The following PELI1 variants were observed in gnomAD, a reference collection of about 807,000 sequenced individuals.
PELI1 encodes E3 ubiquitin-protein ligase pellino homolog 1.
PELI1 carries 15 observed loss-of-function variants against 41.3 expected under a neutral mutation model. The observed-to-expected ratio is 0.36, with a 90% CI of 0.24 to 0.56. PELI1 has a LOEUF of 0.56. PELI1 is among the 20% of genes least tolerant of loss of function. The probability of loss-of-function intolerance (pLI) is 0.82; values close to 1 mark genes in which losing one functional copy is unlikely to be tolerated. For synonymous variants in PELI1, 178 were observed against 180.1 expected (o/e 0.99, Z 0.09); for missense variants, 403 against 525.5 (o/e 0.77, Z 2.28).
intron 1 of PELI1, among the ~76,000 whole-genome samples, chr2:64,110,176 CAG>C (rs1406958606): frequency 7.0e-6 from 1 of 143,642 alleles, no homozygotes; most frequent in Non-Finnish European, 1.5e-5. Flanking sequence ...ACCCGGGAGG[CAG>C]AGCTTGCAGT....
chr2:64,097,297 C>G (rs898385507), intron 4 of PELI1, among the ~76,000 whole-genome samples: 6 of 152,204 alleles, frequency 3.9e-5, no homozygotes, highest in Non-Finnish European at 8.8e-5. Flanking sequence ...GTTGAGAAAT[C>G]AAATAACCTA....
chr2:64,126,881 G>A lies in PELI1; in HGVS notation c.-70+17200C>T, dbSNP rs552749102. On this transcript the variant is annotated intron_variant, in intron 1 of 6. Transcript: ENST00000358912. ...AGACAAGGGGTAAAAAGTATATTGT[G>A]TTCTCAGGAAAGGGTAAGTCAGTAG... 9.2e-5 allele frequency among the ~76,000 whole-genome samples: 14 copies of A among 152,230 alleles called. 2 individuals carry two copies. In the South Asian group the frequency reaches 2.9e-3, roughly 32 times the overall value.
intron 1 of PELI1, among the ~76,000 whole-genome samples, chr2:64,137,641 A>G (rs1373815793): frequency 6.6e-6 from 1 of 152,114 alleles, no homozygotes; most frequent in African/African-American, 2.4e-5. Context: ...CTATGGGTGG[A>G]TCTGACTTTT....
intron 1 of PELI1, among the ~76,000 whole-genome samples, chr2:64,125,664 T>C (rs766207153): frequency 1.3e-5 from 2 of 152,192 alleles, no homozygotes; most frequent in African/African-American, 2.4e-5. Flanking sequence ...TTCTATTTGG[T>C]TAAATAGCTA....
intron 1 of PELI1, among the ~76,000 whole-genome samples, chr2:64,141,299 T>TCCCCCCCCCCCCCCCCCCCCCC (rs1681905011): frequency 7.2e-6 from 1 of 139,440 alleles, no homozygotes; most frequent in African/African-American, 2.7e-5. Flanking sequence ...AATAACATGT[T>TCCCCCCCCCCCCCCCCCCCCCC]TCCCGCCCCC....
At chr2:64,128,132 G>A (rs1681448722) in intron 1 of PELI1, among the ~76,000 whole-genome samples, 2 of 152,074 alleles carry the variant, frequency 1.3e-5, no homozygotes, top group Admixed American at 1.3e-4. Context: ...GTGTGTACAG[G>A]GGTAAGGAGC....
At chr2:64,104,368 G>A (rs1680547300) in intron 3 of PELI1, among the ~76,000 whole-genome samples, 3 of 152,092 alleles carry the variant, frequency 2.0e-5, no homozygotes, top group Non-Finnish European at 4.4e-5. Context: ...TAACAGAGTG[G>A]GAACTTCCCA....
intron 1 of PELI1, among the ~76,000 whole-genome samples, chr2:64,137,498 T>TGC (rs1028861783): frequency 1.1e-4 from 16 of 152,032 alleles, no homozygotes; most frequent in African/African-American, 3.6e-4. Flanking sequence ...TGTGTGTGTG[T>TGC]GCGCATTTTG....
intron 1 of PELI1, among the ~76,000 whole-genome samples, chr2:64,141,971 C>T (rs1042012707): frequency 6.6e-6 from 1 of 152,174 alleles, no homozygotes; most frequent in Non-Finnish European, 1.5e-5. Context: ...TCAACATAAC[C>T]AACTGTAAGA....
rs1360437953 is a variant in PELI1 at position 64,100,670 on chromosome 2, C to A, written c.202-171G>T. ...CCTGTCAGCTGTGACAGTAGTTTCTCGGGTTGAATGGGGTACTGAAGAATA... is the reference window on the plus strand; with the variant it reads ...CCTGTCAGCTGTGACAGTAGTTTCTAGGGTTGAATGGGGTACTGAAGAATA... On this transcript the variant is annotated intron_variant, in intron 3 of 6. Coordinates refer to ENST00000358912, the MANE Select transcript of PELI1 (RefSeq NM_020651.4). Among the ~76,000 whole-genome samples the A allele has an allele frequency of 2.6e-5, 4 of 152,098 alleles. No individual in the cohort carries two copies. The South Asian group carries it at 8.3e-4, about 32-fold the overall frequency.
chr2:64,103,431 G>C (rs1680512322), intron 3 of PELI1, among the ~76,000 whole-genome samples: 1 of 152,132 alleles, frequency 6.6e-6, no homozygotes, highest in Non-Finnish European at 1.5e-5. Flanking sequence ...TAAATGTCCT[G>C]TAGTATGTGG....
At chr2:64,140,653 A>G (rs1313236662) in intron 1 of PELI1, among the ~76,000 whole-genome samples, 1 of 151,970 alleles carries the variant, frequency 6.6e-6, no homozygotes, top group African/African-American at 2.4e-5. Context: ...TTCAAGAAAC[A>G]CTGTGCTTTC....
chr2:64,108,150 A>G (rs188355074), intron 2 of PELI1, 90 bp downstream of exon 2: 13 of 711,104 alleles, frequency 1.8e-5, no homozygotes, highest in African/African-American at 1.4e-4. Flanking sequence ...GGTAAGATAT[A>G]AATTCCAAAA....
rs143719281 is a variant in PELI1 at position 64,097,530 on chromosome 2, A to G, written c.304-920T>C. Among the ~76,000 whole-genome samples, 232 of 152,328 alleles carry G rather than the reference A, an allele frequency of 1.5e-3. 1 individual carries two copies. Among genetic ancestry groups the G allele is most frequent in the African/African-American group, 5.2e-3 (215 of 41,566 alleles). On this transcript the variant is annotated intron_variant, in intron 4 of 6. Transcript: ENST00000358912. ...TATCTTCAGAGGTACTAGCTAGTAAATAAGTTAATTTCATTTTGAAAGTTG... is the reference window on the plus strand; with the variant it reads ...TATCTTCAGAGGTACTAGCTAGTAAGTAAGTTAATTTCATTTTGAAAGTTG...
intron 1 of PELI1, among the ~76,000 whole-genome samples, chr2:64,134,035 G>C (rs1681642584): frequency 1.3e-5 from 2 of 152,020 alleles, no homozygotes; most frequent in South Asian, 2.1e-4. Context: ...GATGACTCAG[G>C]GTACCTAGAT....
intron 6 of PELI1, among the ~76,000 whole-genome samples, 170 bp downstream of exon 6, chr2:64,095,955 A>G (rs1221062009): frequency 6.6e-6 from 1 of 152,214 alleles, no homozygotes. Flanking sequence ...TAAACGAAAT[A>G]TTAAAGAGAC....
rs371291814 is a variant in PELI1, at chr2:64,094,657, C to T, written c.*45G>A. 317 of 1,463,100 alleles carry T rather than the reference C, an allele frequency of 2.2e-4. No homozygotes were observed. The African/African-American group carries it at 2.9e-3, about 13-fold the overall frequency. 90.6% of individuals were successfully genotyped at this position (1,463,100 alleles called of 1,614,324 possible). A position where few individuals can be genotyped will look rare whatever the true frequency, so the allele number is the denominator to read the frequency against. On this transcript the variant is annotated 3_prime_UTR_variant, in exon 7 of 7. Coordinates refer to ENST00000358912, the MANE Select transcript of PELI1 (RefSeq NM_020651.4). ...ACAACAGGTTCGAAAACCCAACTCA[C>T]TTAGCTTATAAATTTATAATGTAGT...
At position 64,093,555 on chromosome 2, in the gene PELI1, T is replaced by C. The variant is rs571682621; in HGVS notation, c.*1147A>G. On this transcript the variant is annotated 3_prime_UTR_variant, in exon 7 of 7. Coordinates refer to ENST00000358912, the MANE Select transcript of PELI1 (RefSeq NM_020651.4). ...AGTGCGTCACTCCACGCTGCAGTCA[T>C]TGGTGCTCATCTGCCAACCAAACAT... The C allele has an allele frequency of 2.0e-5, 3 of 152,748 alleles. No homozygotes were observed. Among genetic ancestry groups the C allele is most frequent in the South Asian group, 4.1e-4 (2 of 4,826 alleles). 9.5% of individuals were successfully genotyped at this position (152,748 alleles called of 1,614,324 possible).
At chr2:64,131,944 T>C (rs527324321) in intron 1 of PELI1, among the ~76,000 whole-genome samples, 1 of 152,260 alleles carries the variant, frequency 6.6e-6, no homozygotes, top group South Asian at 2.1e-4. Context: ...TCTACCAGTA[T>C]TGTAGGAGGC....
Sources: gnomAD v4.1 joint callset for allele counts (sites outside exome capture counted in the v4.1 genomes callset) on GRCh38, gnomAD v4.1.1 for gene constraint, MANE v1.5 for transcripts, NCBI Gene and HGNC (gene_info 2026-07-23, HGNC 2026-07-21) for gene names.